Variants in ANO1 observed in about 807,000 individuals in gnomAD.
ANO1 encodes anoctamin 1.
A neutral mutation model predicts 124.0 loss-of-function variants in ANO1; 59 were observed. The observed-to-expected ratio is 0.48, with a 90% CI of 0.39 to 0.59. The LOEUF (loss-of-function observed/expected upper bound fraction) is 0.59. ANO1 is among the 20% of genes least tolerant of loss of function. The pLI is 0.00. For synonymous variants in ANO1, 529 were observed against 532.0 expected, an observed-to-expected ratio of 0.99 and a Z score of 0.08; for missense variants, 1,059 against 1,328.0, an observed-to-expected ratio of 0.80 and a Z score of 3.15.
chr11:70,121,980 C>T (rs1184260404), intron 8 of ANO1, among the ~76,000 whole-genome samples: 10 of 147,272 alleles, frequency 6.8e-5, no homozygotes, highest in African/African-American at 2.3e-4. Context: ...CTCTGTCTGT[C>T]TGTCTCTGTC....
At chr11:70,031,095 C>T (rs1856993193) in intron 1 of ANO1, among the ~76,000 whole-genome samples, 1 of 152,106 alleles carries the variant, frequency 6.6e-6, no homozygotes, top group East Asian at 1.9e-4. Flanking sequence ...CAGGCATGTG[C>T]CACCATACCC....
intron 19 of ANO1, among the ~76,000 whole-genome samples, chr11:70,163,976 CAG>C (rs1262734720): frequency 2.6e-5 from 4 of 151,592 alleles, no homozygotes; most frequent in Non-Finnish European, 5.9e-5. Context: ...GAGGACAAAA[CAG>C]AACTTGGCTA....
chr11:70,103,264 T>TAAA lies in ANO1; in HGVS notation c.540+108_540+110dup, dbSNP rs113704420. ...GCCGACCTCGAGGCCCTGAGTTTTA[T>TAAA]AAAAAAAAAACCCAGTGGGCTTCAC... On this transcript the variant is annotated intron_variant, in intron 3 of 25. Transcript: ENST00000355303. 1,615 of 823,062 alleles carry TAAA rather than the reference T, an allele frequency of 2.0e-3. 18 individuals are homozygous for TAAA. The African/African-American group carries it at 0.026, about 13-fold the overall frequency. The allele number at this position is 823,062 out of a possible 1,614,324, so 51.0% of individuals were successfully genotyped here.
chr11:70,179,965 T>C (rs1444000413), intron 22 of ANO1, 39 bp from the exon 23 acceptor site: 4 of 1,581,876 alleles, frequency 2.5e-6, no homozygotes, highest in African/African-American at 1.3e-5. Context: ...TGACTGAGAG[T>C]GTAGGGCTCT....
intron 11 of ANO1, among the ~76,000 whole-genome samples, chr11:70,134,560 C>A (rs1387912698): frequency 6.6e-6 from 1 of 152,216 alleles, no homozygotes; most frequent in Non-Finnish European, 1.5e-5. Context: ...GTGGTCACTG[C>A]CGTCTTACCA....
chr11:70,013,703 G>A (rs1856642688), intron 1 of ANO1, among the ~76,000 whole-genome samples: 1 of 152,068 alleles, frequency 6.6e-6, no homozygotes, highest in Non-Finnish European at 1.5e-5. Flanking sequence ...TCAGGAGGCT[G>A]AGGCAGGAGA....
intron 1 of ANO1, among the ~76,000 whole-genome samples, chr11:70,010,957 C>T (rs1856589562): frequency 1.3e-5 from 2 of 152,370 alleles, no homozygotes; most frequent in Admixed American, 6.5e-5. Context: ...CTGCCTGTCT[C>T]GCTCACTACT....
intron 1 of ANO1, among the ~76,000 whole-genome samples, chr11:70,069,711 T>C (rs1857821189): frequency 6.6e-6 from 1 of 152,096 alleles, no homozygotes; most frequent in South Asian, 2.1e-4. Flanking sequence ...ATAATCTACG[T>C]TAGAGGCGGG....
At chr11:70,008,071 C>G (rs571763433) in intron 1 of ANO1, among the ~76,000 whole-genome samples, 1 of 151,990 alleles carries the variant, frequency 6.6e-6, no homozygotes, top group South Asian at 2.1e-4. Flanking sequence ...AGAGAAATGT[C>G]TATTAATTCT....
chr11:70,094,655 C>T (rs1299864659), intron 2 of ANO1, among the ~76,000 whole-genome samples: 1 of 152,210 alleles, frequency 6.6e-6, no homozygotes, highest in Non-Finnish European at 1.5e-5. Context: ...CCCAGAGACT[C>T]TGCACTAAAA....
chr11:70,098,114 T>A (rs1237109755), intron 2 of ANO1, among the ~76,000 whole-genome samples: 1 of 152,172 alleles, frequency 6.6e-6, no homozygotes, highest in Non-Finnish European at 1.5e-5. Flanking sequence ...GGCAGGAGGA[T>A]TAGACCACAG....
At position 70,028,448 on chromosome 11, in the gene ANO1, C is replaced by T. The variant is rs573735485; in HGVS notation, c.58+42282C>T. On this transcript the variant is annotated intron_variant, in intron 1 of 27. Transcript: ENST00000531349. ...TCACTCCCCTCCTGACTGGCTCCTT[C>T]TGCCCTCCCCCACCCCCAGTTCTAC... Among the ~76,000 whole-genome samples, 8 of 149,894 alleles carry T rather than the reference C, an allele frequency of 5.3e-5. No individual in the cohort carries two copies. In the South Asian group the frequency reaches 1.7e-3, roughly 33 times the overall value.
chr11:70,134,444 G>T (rs971848431), intron 11 of ANO1, among the ~76,000 whole-genome samples: 1 of 152,190 alleles, frequency 6.6e-6, no homozygotes, highest in Non-Finnish European at 1.5e-5. Context: ...CCACCTCACT[G>T]CTCTAAACCT....
At chr11:70,100,308 G>A (rs1255581098) in intron 2 of ANO1, among the ~76,000 whole-genome samples, 1 of 152,214 alleles carries the variant, frequency 6.6e-6, no homozygotes, top group African/African-American at 2.4e-5. Context: ...TGGAAGAAGG[G>A]TCTTCGCAGA....
chr11:70,157,638 G>T (rs2047872100), intron 16 of ANO1, among the ~76,000 whole-genome samples: 1 of 152,168 alleles, frequency 6.6e-6, no homozygotes, highest in Non-Finnish European at 1.5e-5. Flanking sequence ...TGAGTATCTA[G>T]TAATTCAAGC....
intron 1 of ANO1, among the ~76,000 whole-genome samples, chr11:70,019,045 C>T (rs1169962404): frequency 1.3e-5 from 2 of 152,254 alleles, no homozygotes; most frequent in African/African-American, 4.8e-5. Context: ...GGAGGGGGGC[C>T]TGTCCTCACC....
At chr11:70,020,916 C>T (rs1451255470) in intron 1 of ANO1, 1 of 152,274 alleles carries the variant, frequency 6.6e-6, no homozygotes, top group Non-Finnish European at 1.5e-5. Context: ...GACCATTCAG[C>T]CTCTCATTCG....
At chr11:69,994,229 C>A (rs1263617429) in intron 1 of ANO1, among the ~76,000 whole-genome samples, 1 of 152,156 alleles carries the variant, frequency 6.6e-6, no homozygotes, top group Admixed American at 6.6e-5. Context: ...GAATTAAACC[C>A]ACCATTTTGT....
intron 1 of ANO1, among the ~76,000 whole-genome samples, chr11:70,024,250 CG>C (rs1856853785): frequency 6.6e-6 from 1 of 152,170 alleles, no homozygotes; most frequent in South Asian, 2.1e-4. Flanking sequence ...CTAAATGAGT[CG>C]CAATGGCCTG....
Sources: gnomAD v4.1 joint callset for allele counts (sites outside exome capture counted in the v4.1 genomes callset) on GRCh38, gnomAD v4.1.1 for gene constraint, MANE v1.5 for transcripts, NCBI Gene and HGNC (gene_info 2026-07-23, HGNC 2026-07-21) for gene names.